The following RTL4 variants were observed in gnomAD, a reference collection of about 807,000 sequenced individuals.
RTL4 encodes the protein retrotransposon Gag-like protein 4.
RTL4 carries 4 observed loss-of-function variants against 5.3 expected under a neutral mutation model. The observed-to-expected ratio is 0.75, with a 90% CI of 0.37 to 1.72. The LOEUF is 1.72. Among genes scored for constraint, RTL4 ranks in the 40% most tolerant of loss-of-function variants. The pLI is 0.04. For missense variants in RTL4, 260 were observed against 227.1 expected, an observed-to-expected ratio of 1.14 and a Z score of -0.93; for synonymous variants, 98 against 87.3, an observed-to-expected ratio of 1.12 and a Z score of -0.68.
At chrX:112,451,839 C>T (rs1926741161), upstream of RTL4, among the ~76,000 whole-genome samples, 1 of 111,442 alleles carries the variant, frequency 9.0e-6, no homozygotes, top group South Asian at 3.8e-4. Flanking sequence ...CAATCTTCTA[C>T]CTGCAAATAT....
the RTL4 span, among the ~76,000 whole-genome samples, chrX:112,434,176 A>C: frequency 2.8e-5 from 3 of 105,659 alleles, no homozygotes; most frequent in African/African-American, 1.0e-4. Context: ...TTCATCAAGG[A>C]TATTGGTCTA....
the RTL4 span, among the ~76,000 whole-genome samples, chrX:112,261,686 A>C: frequency 8.9e-6 from 1 of 112,046 alleles, no homozygotes; most frequent in East Asian, 2.8e-4. Flanking sequence ...GAATTGGAAA[A>C]AACTACTTTA....
the RTL4 span, chrX:112,382,210 A>T: frequency 5.1e-6 from 6 of 1,167,323 alleles, no homozygotes; most frequent in South Asian, 7.7e-5. Context: ...CAAATCAAGG[A>T]TTAATCCAAA....
chrX:112,119,140 A>AT, the RTL4 span, among the ~76,000 whole-genome samples: 14 of 109,157 alleles, frequency 1.3e-4, no homozygotes, highest in Non-Finnish European at 2.1e-4. Flanking sequence ...TTACAGACCC[A>AT]TTTTGTACTT....
At chrX:112,259,973 C>G in the RTL4 span, among the ~76,000 whole-genome samples, 32 of 112,006 alleles carry the variant, frequency 2.9e-4, no homozygotes, top group Non-Finnish European at 6.0e-4. Context: ...GTAGACTGGA[C>G]AGATGCTTTC....
chrX:112,243,488 GT>G, the RTL4 span, among the ~76,000 whole-genome samples: 2 of 111,446 alleles, frequency 1.8e-5, no homozygotes, highest in African/African-American at 6.5e-5. Context: ...TTGTGTAGAG[GT>G]TTTTATAGTA....
At chrX:112,431,626 T>C in the RTL4 span, among the ~76,000 whole-genome samples, 1 of 111,929 alleles carries the variant, frequency 8.9e-6, no homozygotes, top group Non-Finnish European at 1.9e-5. Flanking sequence ...GGGCAGCAGT[T>C]TGCCCTGTGA....
chrX:112,455,562 G>A (rs1455696625), exon 1 of RTL4: 3 of 1,211,743 alleles, frequency 2.5e-6, no homozygotes, highest in Admixed American at 4.3e-5. Context: ...AAGAAACTCA[G>A]TTGTGCCTCT....
chrX:112,425,360 G>A, the RTL4 span, among the ~76,000 whole-genome samples: 1 of 111,147 alleles, frequency 9.0e-6, no homozygotes, highest in South Asian at 3.8e-4. Flanking sequence ...CCAAGTTTTG[G>A]TAATTATGAA....
chrX:112,244,734 A>G, the RTL4 span, among the ~76,000 whole-genome samples: 1 of 111,684 alleles, frequency 9.0e-6, no homozygotes, highest in Admixed American at 9.6e-5. Flanking sequence ...TGATCCTGTC[A>G]TTATGATGTT....
chrX:112,392,146 T>C, the RTL4 span, among the ~76,000 whole-genome samples: 2 of 111,528 alleles, frequency 1.8e-5, no homozygotes, highest in African/African-American at 6.5e-5. Flanking sequence ...CAAGGGCAGT[T>C]CCACAACAGA....
At chrX:112,175,290 C>G in the RTL4 span, among the ~76,000 whole-genome samples, 13 of 92,049 alleles carry the variant, frequency 1.4e-4, no homozygotes, top group Admixed American at 1.7e-3. Context: ...TTTCAGCTTT[C>G]TACATATGGC....
chrX:112,353,118 A>C, the RTL4 span, among the ~76,000 whole-genome samples: 7,007 of 111,748 alleles, frequency 0.063, 213 homozygotes, highest in Middle Eastern at 0.17. Flanking sequence ...AAATGCAAAT[A>C]AAAACCACAT....
chrX:112,451,678 A>T (rs1169859890), upstream of RTL4, among the ~76,000 whole-genome samples: 1 of 111,847 alleles, frequency 8.9e-6, no homozygotes, highest in African/African-American at 3.2e-5. Flanking sequence ...CATAGATCAA[A>T]CCAAGTCGCT....
chrX:112,199,444 G>C, the RTL4 span, among the ~76,000 whole-genome samples: 2 of 111,014 alleles, frequency 1.8e-5, no homozygotes, highest in African/African-American at 6.6e-5. Flanking sequence ...TTGAAAGAGT[G>C]CTAAGAAACC....
chrX:112,174,463 T>G, the RTL4 span, among the ~76,000 whole-genome samples: 18 of 105,196 alleles, frequency 1.7e-4, no homozygotes, highest in Non-Finnish European at 3.5e-4. Flanking sequence ...TGCCACATTT[T>G]CTTAATCCAG....
chrX:112,430,936 T>C, the RTL4 span, among the ~76,000 whole-genome samples: 17 of 111,964 alleles, frequency 1.5e-4, no homozygotes, highest in Admixed American at 1.0e-3. Flanking sequence ...ATAGATATGA[T>C]GTATTGGGCA....
At chrX:112,189,690 G>A in the RTL4 span, among the ~76,000 whole-genome samples, 1 of 110,747 alleles carries the variant, frequency 9.0e-6, no homozygotes, top group Non-Finnish European at 1.9e-5. Context: ...CTTGAACCCA[G>A]GAGGCAGAGG....
At chrX:112,284,160 T>C in the RTL4 span, among the ~76,000 whole-genome samples, 11 of 108,359 alleles carry the variant, frequency 1.0e-4, no homozygotes, top group African/African-American at 3.6e-4. Context: ...TTTTATTATA[T>C]ATACATATAT....
Sources: allele counts gnomAD v4.1 joint callset (sites outside exome capture counted in the v4.1 genomes callset), GRCh38; gene constraint gnomAD v4.1.1; transcripts MANE v1.5; gene names NCBI Gene and HGNC (gene_info 2026-07-23, HGNC 2026-07-21).